VOPP1: variants seen among roughly 807,000 people sequenced by gnomAD.
The protein encoded by VOPP1 is WW domain binding protein VOPP1.
A neutral mutation model predicts 23.5 loss-of-function variants in VOPP1; 8 were observed. That is an observed-to-expected ratio of 0.34 (90% confidence interval 0.20 to 0.61). The LOEUF is 0.61. Ranked by LOEUF, VOPP1 falls within the 20% of genes least tolerant of loss-of-function variation. The probability of loss-of-function intolerance (pLI) is 0.78; values close to 1 mark genes in which losing one functional copy is unlikely to be tolerated. For missense variants in VOPP1, 174 were observed against 238.1 expected (o/e 0.73, Z 1.77); for synonymous variants, 83 against 97.3 (o/e 0.85, Z 0.86).
At chr7:55,532,217 T>C (rs1165535821) in intron 1 of VOPP1, among the ~76,000 whole-genome samples, 1 of 152,224 alleles carries the variant, frequency 6.6e-6, no homozygotes, top group Non-Finnish European at 1.5e-5. Flanking sequence ...TTAAAGACAA[T>C]GTGACTTACT....
At chr7:55,478,496 TAAAAC>T (rs1467250149) in intron 4 of VOPP1, among the ~76,000 whole-genome samples, 1 of 151,746 alleles carries the variant, frequency 6.6e-6, no homozygotes, top group African/African-American at 2.4e-5. Context: ...GATTAAGAAA[TAAAAC>T]AAATAGCAAA....
chr7:55,482,482 A>ATTTTTTTTTTTTTTTTTTTTTTT (rs71031859), intron 4 of VOPP1, among the ~76,000 whole-genome samples: 1 of 132,832 alleles, frequency 7.5e-6, no homozygotes, highest in African/African-American at 2.9e-5. Flanking sequence ...CACCTGGCTA[A>ATTTTTTTTTTTTTTTTTTTTTTT]TTTTTTTTTT....
intron 2 of VOPP1, among the ~76,000 whole-genome samples, chr7:55,507,821 T>A (rs1794830326): frequency 6.6e-6 from 1 of 152,204 alleles, no homozygotes; most frequent in Non-Finnish European, 1.5e-5. Flanking sequence ...CAACTTTTAT[T>A]TGGTCAACAC....
chr7:55,485,719 A>G (rs1173339898), intron 4 of VOPP1, among the ~76,000 whole-genome samples: 3 of 152,244 alleles, frequency 2.0e-5, no homozygotes, highest in Admixed American at 2.0e-4. Context: ...ACATTCACAG[A>G]GCACTTAGTG....
At chr7:55,501,436 G>T (rs1794359605) in intron 2 of VOPP1, among the ~76,000 whole-genome samples, 2 of 152,202 alleles carry the variant, frequency 1.3e-5, no homozygotes, top group African/African-American at 4.8e-5. Flanking sequence ...CTTCTGGTGT[G>T]TCCAGGACTG....
At chr7:55,565,381 T>G (rs1017109267) in intron 1 of VOPP1, among the ~76,000 whole-genome samples, 2 of 152,232 alleles carry the variant, frequency 1.3e-5, no homozygotes, top group African/African-American at 4.8e-5. Context: ...ATATCCTTAC[T>G]CTCCAAGTCA....
At chr7:55,451,373 A>T (rs1791238897) in intron 4 of VOPP1, among the ~76,000 whole-genome samples, 1 of 152,252 alleles carries the variant, frequency 6.6e-6, no homozygotes, top group Admixed American at 6.5e-5. Context: ...ATTGCAATAA[A>T]GTTTGAGTCA....
At chr7:55,546,340 T>C (rs1330259175) in intron 1 of VOPP1, among the ~76,000 whole-genome samples, 1 of 152,160 alleles carries the variant, frequency 6.6e-6, no homozygotes, top group Non-Finnish European at 1.5e-5. Context: ...AAGAGAACAC[T>C]TAAGGGAAAG....
At chr7:55,456,070 T>C (rs979385873) in intron 4 of VOPP1, among the ~76,000 whole-genome samples, 2 of 152,150 alleles carry the variant, frequency 1.3e-5, no homozygotes, top group Non-Finnish European at 2.9e-5. Flanking sequence ...AAAGGGCTAA[T>C]ATCCAGAATC....
At chr7:55,443,649 T>C (rs1791024120) in intron 4 of VOPP1, among the ~76,000 whole-genome samples, 1 of 150,568 alleles carries the variant, frequency 6.6e-6, no homozygotes, top group Non-Finnish European at 1.5e-5. Flanking sequence ...TGTCCCTTTT[T>C]TTTTTTTTTT....
intron 1 of VOPP1, among the ~76,000 whole-genome samples, chr7:55,563,016 A>G (rs1196265970): frequency 6.6e-6 from 1 of 152,212 alleles, no homozygotes; most frequent in Non-Finnish European, 1.5e-5. Context: ...ATCCTCGTCC[A>G]TCTCACTCAG....
At chr7:55,460,905 A>T (rs1381067430) in intron 4 of VOPP1, among the ~76,000 whole-genome samples, 1 of 152,158 alleles carries the variant, frequency 6.6e-6, no homozygotes, top group Non-Finnish European at 1.5e-5. Context: ...GGCACCATAT[A>T]GTTGGGTTAT....
intron 4 of VOPP1, among the ~76,000 whole-genome samples, chr7:55,460,534 T>C (rs1455127962): frequency 2.0e-5 from 3 of 152,244 alleles, no homozygotes; most frequent in Admixed American, 2.0e-4. Flanking sequence ...TTGAAGTCTA[T>C]CTCTCCCTAT....
intron 1 of VOPP1, among the ~76,000 whole-genome samples, chr7:55,564,078 C>A (rs975915537): frequency 6.6e-6 from 1 of 152,126 alleles, no homozygotes; most frequent in Admixed American, 6.5e-5. Context: ...GGGAACCCCA[C>A]GTTGTTTTAC....
At position 55,500,635 on chromosome 7, in the gene VOPP1, G is replaced by A. The variant is rs146935679; in HGVS notation, c.114-2945C>T. Among the ~76,000 whole-genome samples the A allele has an allele frequency of 5.4e-3, 826 of 152,278 alleles. 11 individuals carry two copies. The highest frequency in any genetic ancestry group is 0.019 in the African/African-American group (790 of 41,582). On this transcript the variant is annotated intron_variant, in intron 2 of 4. Transcript: ENST00000285279. ...TACGTTTATAGTGATTTACTACACA[G>A]CCACAGAGTCAAGAAGAACACAGCT... is the stretch of plus-strand genomic sequence containing the variant.
At chr7:55,439,846 T>A (rs747299286) in intron 4 of VOPP1, among the ~76,000 whole-genome samples, 4 of 152,138 alleles carry the variant, frequency 2.6e-5, no homozygotes, top group Admixed American at 6.5e-5. Flanking sequence ...AGGAGGAGAA[T>A]GAATGAGCTG....
At chr7:55,460,085 TAA>T (rs56002411) in intron 4 of VOPP1, among the ~76,000 whole-genome samples, 135,290 of 152,096 alleles carry the variant, frequency 0.89, 60,369 homozygotes, top group African/African-American at 0.92. Flanking sequence ...ATTAAATATT[TAA>T]AAACATATTT....
chr7:55,489,783 G>A (rs115508941), intron 4 of VOPP1, among the ~76,000 whole-genome samples: 110 of 152,228 alleles, frequency 7.2e-4, no homozygotes, highest in African/African-American at 1.8e-3. Context: ...GATGAGGGCC[G>A]GGCATCTACT....
intron 1 of VOPP1, chr7:55,552,951 T>C (rs1456127419): frequency 1.5e-6 from 1 of 689,010 alleles, no homozygotes; most frequent in South Asian, 2.4e-5. Context: ...GCTAAGGCGC[T>C]GTAGGAAAAG....
Sources: allele counts gnomAD v4.1 joint callset (sites outside exome capture counted in the v4.1 genomes callset), GRCh38; gene constraint gnomAD v4.1.1; transcripts MANE v1.5; gene names NCBI Gene and HGNC (gene_info 2026-07-23, HGNC 2026-07-21).